CPPED1: variants seen among roughly 807,000 people sequenced by gnomAD.
The protein encoded by CPPED1 is calcineurin like phosphoesterase domain containing 1, also known as serine/threonine-protein phosphatase CPPED1.
A neutral mutation model predicts 28.0 loss-of-function variants in CPPED1; 28 were observed. That is an observed-to-expected ratio of 1.00 (90% confidence interval 0.74 to 1.37). The LOEUF (loss-of-function observed/expected upper bound fraction) is 1.37, where lower values mean the gene tolerates loss of function less well. Ranked by LOEUF, CPPED1 falls within the 40% of genes most tolerant of loss-of-function variation. The pLI, the probability that CPPED1 is intolerant of heterozygous loss-of-function variation, is 0.00. For missense variants in CPPED1, 504 were observed against 416.5 expected (o/e 1.21, Z -1.83); for synonymous variants, 198 against 180.2 (o/e 1.10, Z -0.79).
At chr16:12,739,697 A>G (rs1056446387) in intron 2 of CPPED1, among the ~76,000 whole-genome samples, 1 of 152,186 alleles carries the variant, frequency 6.6e-6, no homozygotes, top group African/African-American at 2.4e-5. Flanking sequence ...TGCCTCTAGT[A>G]TAGAGGATGC....
intron 1 of CPPED1, among the ~76,000 whole-genome samples, chr16:12,799,289 T>C (rs572955835): frequency 2.7e-5 from 4 of 148,564 alleles, no homozygotes; most frequent in Non-Finnish European, 6.0e-5. Flanking sequence ...CTCTGTCTCC[T>C]AGGCTAGAGT....
At chr16:12,691,847 A>C (rs2079965023) in intron 3 of CPPED1, among the ~76,000 whole-genome samples, 1 of 147,442 alleles carries the variant, frequency 6.8e-6, no homozygotes, top group African/African-American at 2.6e-5. Context: ...TAGCATTAGG[A>C]GACATGCCTA....
intron 2 of CPPED1, among the ~76,000 whole-genome samples, chr16:12,753,601 C>T (rs1313550256): frequency 6.6e-6 from 1 of 152,100 alleles, no homozygotes; most frequent in African/African-American, 2.4e-5. Context: ...ACTACTCTTC[C>T]TGTCCCTGGA....
At chr16:12,776,758 A>C (rs2080500507) in intron 2 of CPPED1, among the ~76,000 whole-genome samples, 1 of 152,188 alleles carries the variant, frequency 6.6e-6, no homozygotes, top group Non-Finnish European at 1.5e-5. Context: ...GTCTCTACCA[A>C]AAATACAAAA....
At chr16:12,799,801 A>G (rs1057503597) in intron 1 of CPPED1, among the ~76,000 whole-genome samples, 1 of 152,220 alleles carries the variant, frequency 6.6e-6, no homozygotes, top group African/African-American at 2.4e-5. Context: ...GGGCCTCTCT[A>G]GGCCCTCCGT....
At chr16:12,764,635 G>C (rs2080429076) in intron 2 of CPPED1, among the ~76,000 whole-genome samples, 1 of 152,158 alleles carries the variant, frequency 6.6e-6, no homozygotes, top group African/African-American at 2.4e-5. Flanking sequence ...CACTGCGCCT[G>C]GCCTGATTTG....
chr16:12,686,550 C>T (rs1264571456), intron 3 of CPPED1, among the ~76,000 whole-genome samples: 1 of 152,182 alleles, frequency 6.6e-6, no homozygotes, highest in Non-Finnish European at 1.5e-5. Flanking sequence ...TGTGAAATTG[C>T]TTTCCCAACC....
intron 2 of CPPED1, among the ~76,000 whole-genome samples, chr16:12,732,645 G>C (rs145323002): frequency 6.6e-6 from 1 of 152,142 alleles, no homozygotes; most frequent in African/African-American, 2.4e-5. Flanking sequence ...AAGATCCTAT[G>C]TGTTTCTGGT....
chr16:12,722,314 G>C (rs1210742575), intron 2 of CPPED1, among the ~76,000 whole-genome samples: 2 of 152,230 alleles, frequency 1.3e-5, no homozygotes, highest in Non-Finnish European at 2.9e-5. Flanking sequence ...CCTCAGGTAA[G>C]TAGATGCCGA....
At chr16:12,782,548 T>TG (rs1218098743) in intron 1 of CPPED1, among the ~76,000 whole-genome samples, 19 of 138,796 alleles carry the variant, frequency 1.4e-4, no homozygotes, top group Admixed American at 6.9e-5. Flanking sequence ...TTGAGGCTGT[T>TG]TTTTTTTTTT....
intron 2 of CPPED1, among the ~76,000 whole-genome samples, chr16:12,761,934 G>C (rs1315646287): frequency 6.6e-6 from 1 of 151,644 alleles, no homozygotes; most frequent in Non-Finnish European, 1.5e-5. Flanking sequence ...AGAATCACTT[G>C]AACACATGAG....
chr16:12,781,977 A>G (rs2080534437), intron 1 of CPPED1, among the ~76,000 whole-genome samples: 1 of 152,084 alleles, frequency 6.6e-6, no homozygotes. Context: ...TGGGAGAAAA[A>G]AAAAAGAAAA....
rs1026398586 is a variant in CPPED1 at position 12,661,168 on chromosome 16, T to C, written c.*3718A>G. ...GTTTTGGCAACCTTTTCTCAAAAGA[T>C]TCTGCATTGGAATACAGACTGTAAT... On this transcript the variant is annotated 3_prime_UTR_variant, in exon 4 of 4. Transcript: ENST00000381774. 6.6e-6 allele frequency: 1 copy of C among 152,236 alleles called. No homozygotes were observed. The highest frequency in any genetic ancestry group is 2.1e-4 in the South Asian group (1 of 4,834). The allele number at this position is 152,236 out of a possible 1,614,324, so 9.4% of individuals were successfully genotyped here.
At chr16:12,788,435 C>T (rs2080577101) in intron 1 of CPPED1, among the ~76,000 whole-genome samples, 1 of 152,208 alleles carries the variant, frequency 6.6e-6, no homozygotes, top group Non-Finnish European at 1.5e-5. Context: ...TGTAGCTCAT[C>T]CTGGTGAGAT....
At chr16:12,683,430 G>T (rs1375535704) in intron 3 of CPPED1, among the ~76,000 whole-genome samples, 1 of 152,048 alleles carries the variant, frequency 6.6e-6, no homozygotes, top group African/African-American at 2.4e-5. Context: ...CACCGGTTCT[G>T]TTATAACCTG....
intron 1 of CPPED1, among the ~76,000 whole-genome samples, chr16:12,794,144 A>G (rs970276456): frequency 1.3e-5 from 2 of 152,078 alleles, no homozygotes; most frequent in African/African-American, 4.8e-5. Flanking sequence ...AGCTGCCAGA[A>G]TGGTATGCAG....
chr16:12,777,495 T>C (rs1327354421), intron 2 of CPPED1, among the ~76,000 whole-genome samples: 1 of 152,238 alleles, frequency 6.6e-6, no homozygotes, highest in African/African-American at 2.4e-5. Context: ...TTTGCACAAA[T>C]GTTCACTTGC....
At chr16:12,730,903 G>C (rs1288391075) in intron 2 of CPPED1, among the ~76,000 whole-genome samples, 2 of 152,112 alleles carry the variant, frequency 1.3e-5, no homozygotes, top group Non-Finnish European at 1.5e-5. Flanking sequence ...TTTAGTTCCT[G>C]AGAAACCTCA....
chr16:12,704,614 G>C lies in CPPED1; in HGVS notation c.715+10C>G, dbSNP rs766362537. The C allele has an allele frequency of 6.3e-7, 1 of 1,598,992 alleles. No homozygotes were observed. The highest frequency in any genetic ancestry group is 1.3e-5 in the African/African-American group (1 of 74,852). On this transcript the variant is annotated intron_variant, in intron 3 of 3. Coordinates refer to ENST00000381774, the MANE Select transcript of CPPED1 (RefSeq NM_018340.3). Reference sequence around the variant, plus strand: ...CTTCCTCCCTGAAACCCGTGGCCCGGGGCCTCTACCTGCGTGGATGAACTT... The same window carrying C: ...CTTCCTCCCTGAAACCCGTGGCCCGCGGCCTCTACCTGCGTGGATGAACTT...
Sources: gnomAD v4.1 joint callset for allele counts (sites outside exome capture counted in the v4.1 genomes callset) on GRCh38, gnomAD v4.1.1 for gene constraint, MANE v1.5 for transcripts, NCBI Gene and HGNC (gene_info 2026-07-23, HGNC 2026-07-21) for gene names.